Variants in USH2A observed in about 807,000 individuals in gnomAD.
The protein encoded by USH2A is usherin.
USH2A carries 443 observed loss-of-function variants against 538.9 expected under a neutral mutation model. The ratio of observed to expected loss-of-function variants is 0.82; its 90% confidence interval spans 0.76 to 0.89. The LOEUF (loss-of-function observed/expected upper bound fraction) is 0.89. USH2A is among the 40% of genes least tolerant of loss of function. USH2A has a pLI of 0.00. For missense variants in USH2A, 6,633 were observed against 6,324.8 expected (o/e 1.05, Z -1.65); for synonymous variants, 2,413 against 2,273.5 (o/e 1.06, Z -1.75).
At chr1:216,413,054 C>CATT (rs1236354952) in intron 3 of USH2A, among the ~76,000 whole-genome samples, 1 of 151,996 alleles carries the variant, frequency 6.6e-6, no homozygotes, top group East Asian at 1.9e-4. Flanking sequence ...TGAAAAACTT[C>CATT]ATTATATTCT....
At chr1:216,015,996 T>C (rs549700081) in intron 32 of USH2A, among the ~76,000 whole-genome samples, 1 of 152,262 alleles carries the variant, frequency 6.6e-6, no homozygotes, top group South Asian at 2.1e-4. Context: ...ATATACACCA[T>C]GGAATACTAT....
intron 10 of USH2A, among the ~76,000 whole-genome samples, chr1:216,291,582 T>C (rs1230940759): frequency 1.3e-5 from 2 of 152,206 alleles, no homozygotes; most frequent in African/African-American, 2.4e-5. Flanking sequence ...CCATCAGATA[T>C]ATGCTATTAT....
intron 62 of USH2A, among the ~76,000 whole-genome samples, chr1:215,677,996 C>T (rs1428021603): frequency 1.3e-5 from 2 of 152,176 alleles, no homozygotes; most frequent in African/African-American, 4.8e-5. Context: ...TCTCAAAGCG[C>T]TCCCTTTCCT....
intron 32 of USH2A, among the ~76,000 whole-genome samples, chr1:216,013,677 C>T (rs1454824457): frequency 1.3e-5 from 2 of 150,318 alleles, no homozygotes; most frequent in Non-Finnish European, 3.0e-5. Context: ...GACCCCCACT[C>T]TGGCCTCCAG....
chr1:216,370,921 CACTT>C (rs1030682919), intron 3 of USH2A, among the ~76,000 whole-genome samples: 8 of 152,146 alleles, frequency 5.3e-5, no homozygotes, highest in Non-Finnish European at 8.8e-5. Context: ...GTACTATAAC[CACTT>C]ACTTACTACA....
chr1:216,400,860 GA>G (rs1260443344), intron 3 of USH2A, among the ~76,000 whole-genome samples: 2 of 152,002 alleles, frequency 1.3e-5, no homozygotes, highest in African/African-American at 4.8e-5. Flanking sequence ...CGGAATGAAG[GA>G]AAAATCAAGA....
Position 216,057,505 on chromosome 1 carries a change from C to A in USH2A, c.6050-8858G>T, listed in dbSNP as rs111329632. Among the ~76,000 whole-genome samples, 487 of 151,266 alleles carry A rather than the reference C, an allele frequency of 3.2e-3. 5 individuals carry two copies. Among genetic ancestry groups the A allele is most frequent in the African/African-American group, 0.011 (449 of 40,892 alleles). ...ATCCCATCTCTACTAAAAATACCAA[C>A]AACAAAAACAAAAACAAAAAAAACA... On this transcript the variant is annotated intron_variant, in intron 30 of 71. Transcript: ENST00000307340.
At chr1:215,961,788 A>G (rs1667207054) in intron 37 of USH2A, among the ~76,000 whole-genome samples, 2 of 151,816 alleles carry the variant, frequency 1.3e-5, no homozygotes, top group Non-Finnish European at 2.9e-5. Flanking sequence ...AATGGTTTTG[A>G]GAGAAAGGAA....
At chr1:216,383,805 G>A (rs2038958818) in intron 3 of USH2A, among the ~76,000 whole-genome samples, 1 of 151,712 alleles carries the variant, frequency 6.6e-6, no homozygotes. Context: ...CTTCTGAGTA[G>A]CTGGGACTAC....
chr1:215,993,102 GGGTATGTCCTC>G lies in USH2A; in HGVS notation c.6712_6722del (p.Glu2238ArgfsTer14). On this transcript the variant is annotated frameshift_variant, in exon 35 of 72. Coordinates refer to ENST00000307340, the MANE Select transcript of USH2A (RefSeq NM_206933.4). LOFTEE classifies it high-confidence loss of function. ...GGGCTTTGGGGGCTGGCACGCCTTC[GGGTATGTCCTC>G]GTCAGTTAGGGCCTCACTGGCCTCA... 6.2e-7 allele frequency: 1 copy of G among 1,614,018 alleles called. No homozygotes were observed.
At chr1:215,875,714 G>T (rs1218258778) in intron 43 of USH2A, among the ~76,000 whole-genome samples, 3 of 151,680 alleles carry the variant, frequency 2.0e-5, no homozygotes, top group African/African-American at 2.4e-5. Flanking sequence ...ATTCAGTAAT[G>T]TTAAAGAGTC....
intron 3 of USH2A, among the ~76,000 whole-genome samples, chr1:216,377,317 C>T (rs979217941): frequency 1.3e-5 from 2 of 152,110 alleles, no homozygotes; most frequent in Non-Finnish European, 2.9e-5. Flanking sequence ...TTTGCACAAT[C>T]AGTCATGGAG....
At chr1:216,100,426 C>T (rs1464279296) in intron 21 of USH2A, among the ~76,000 whole-genome samples, 4 of 152,158 alleles carry the variant, frequency 2.6e-5, no homozygotes, top group Admixed American at 6.6e-5. Context: ...TCTACCAACT[C>T]TTTTCTTCTC....
chr1:215,790,116 T>C lies in USH2A; in HGVS notation c.10125A>G (p.Gly3375=). The change falls in exon 51 of 72, where the codon GGA becomes GGG. Residue 3375 remains glycine, a synonymous_variant. Transcript: ENST00000307340. ...PKSQKCCNGV[G]YNPLKYVCSD... The stretch of plus-strand genomic sequence containing the variant: ...AGCAAACATATTTCAAAGGATTATA[T>C]CCAACTCCATTACAGCATTTCTGGC... 6.2e-7 allele frequency: 1 copy of C among 1,613,932 alleles called. No individual in the cohort carries two copies. The highest frequency in any genetic ancestry group is 1.1e-5 in the South Asian group (1 of 91,072).
intron 10 of USH2A, 100 bp from the exon 11 acceptor site, chr1:216,289,510 T>C: frequency 6.5e-7 from 1 of 1,548,212 alleles, no homozygotes; most frequent in South Asian, 1.1e-5. Context: ...AATTCTATAA[T>C]TTTCGGAACG....
chr1:216,421,263 T>C (rs893141802), intron 2 of USH2A, among the ~76,000 whole-genome samples: 2 of 152,130 alleles, frequency 1.3e-5, no homozygotes, highest in African/African-American at 2.4e-5. Context: ...TCCTAACTAA[T>C]TGGAAAATGA....
At chr1:215,761,803 A>G (rs1001773073) in intron 56 of USH2A, among the ~76,000 whole-genome samples, 2 of 152,150 alleles carry the variant, frequency 1.3e-5, no homozygotes, top group Non-Finnish European at 2.9e-5. Flanking sequence ...GTTCAGTCCT[A>G]CCACTTTATG....
intron 27 of USH2A, among the ~76,000 whole-genome samples, chr1:216,077,074 G>A (rs1330452876): frequency 2.6e-5 from 4 of 152,052 alleles, no homozygotes; most frequent in South Asian, 2.1e-4. Flanking sequence ...CTTCCTCTCT[G>A]CTCTTCAGTT....
chr1:216,396,774 A>C (rs978348902), intron 3 of USH2A, among the ~76,000 whole-genome samples: 2 of 152,216 alleles, frequency 1.3e-5, no homozygotes, highest in Non-Finnish European at 2.9e-5. Flanking sequence ...AAAAAAAGAC[A>C]AGTCTTGAAT....
Sources: allele counts gnomAD v4.1 joint callset (sites outside exome capture counted in the v4.1 genomes callset), GRCh38; gene constraint gnomAD v4.1.1; transcripts MANE v1.5; gene names NCBI Gene and HGNC (gene_info 2026-07-23, HGNC 2026-07-21).